The following ANKRD44 variants were observed in gnomAD, a reference collection of about 807,000 sequenced individuals.
The protein encoded by ANKRD44 is ankyrin repeat domain 44, also known as serine/threonine-protein phosphatase 6 regulatory ankyrin repeat subunit B.
Under a neutral mutation model 116.0 loss-of-function variants are expected in ANKRD44, and 35 were observed. The ratio of observed to expected loss-of-function variants is 0.30; its 90% CI spans 0.23 to 0.40. The LOEUF (loss-of-function observed/expected upper bound fraction) is 0.40, where lower values mean the gene tolerates loss of function less well. ANKRD44 is among the 10% of genes least tolerant of loss of function. ANKRD44 has a pLI of 1.00. For missense variants in ANKRD44, 1,014 were observed against 1,242.6 expected, an observed-to-expected ratio of 0.82 and a Z score of 2.77; for synonymous variants, 435 against 461.8, an observed-to-expected ratio of 0.94 and a Z score of 0.74.
In ANKRD44 at chr2:197,111,294, A is replaced by T. The variant is rs1044351634; in HGVS notation, c.907-450T>A. Among the ~76,000 whole-genome samples the T allele has an allele frequency of 2.6e-5, 4 of 152,278 alleles. No homozygotes were observed. In the East Asian group the frequency reaches 5.8e-4, roughly 22 times the overall value. Reference sequence around the variant, plus strand: ...AAAAAAGACAAATGTGTTACCTTGCATGGTATTCTTTAAGCTGAAGCTGAC... The same window carrying T: ...AAAAAAGACAAATGTGTTACCTTGCTTGGTATTCTTTAAGCTGAAGCTGAC... On this transcript the variant is annotated intron_variant, in intron 8 of 27. Coordinates refer to ENST00000282272, the MANE Select transcript of ANKRD44 (RefSeq NM_001195144.2).
intron 17 of ANKRD44, chr2:197,015,232 C>A (rs2076369869): frequency 3.1e-6 from 1 of 318,784 alleles, no homozygotes; most frequent in African/African-American, 2.2e-5. Context: ...GAAGATTCTG[C>A]AAAGCCTGCT....
At chr2:197,166,958 C>G (rs983655331) in intron 2 of ANKRD44, among the ~76,000 whole-genome samples, 2 of 152,092 alleles carry the variant, frequency 1.3e-5, no homozygotes, top group Non-Finnish European at 2.9e-5. Context: ...TTACTTTGTC[C>G]AAGAATAAAA....
chr2:197,274,764 G>A (rs1287405551), intron 1 of ANKRD44, among the ~76,000 whole-genome samples: 1 of 152,020 alleles, frequency 6.6e-6, no homozygotes, highest in Non-Finnish European at 1.5e-5. Flanking sequence ...TTCTTTAATG[G>A]GACAAAGAAC....
chr2:197,167,543 A>C (rs1237081400), intron 2 of ANKRD44, among the ~76,000 whole-genome samples: 1 of 152,242 alleles, frequency 6.6e-6, no homozygotes, highest in Non-Finnish European at 1.5e-5. Context: ...TAATTTCTAC[A>C]GTTAAAGAAA....
intron 10 of ANKRD44, among the ~76,000 whole-genome samples, chr2:197,094,410 A>G (rs974609581): frequency 2.0e-5 from 3 of 152,226 alleles, no homozygotes; most frequent in Non-Finnish European, 2.9e-5. Flanking sequence ...GCACATGGAA[A>G]TCCTTTACCA....
intron 1 of ANKRD44, among the ~76,000 whole-genome samples, chr2:197,291,947 G>A (rs2083582611): frequency 6.6e-6 from 1 of 152,254 alleles, no homozygotes; most frequent in East Asian, 1.9e-4. Flanking sequence ...CCCTGTGATA[G>A]TTTGCTGAGG....
chr2:197,288,019 C>CAAAAAAAAAAAAAA (rs10666895), intron 1 of ANKRD44, among the ~76,000 whole-genome samples: 3 of 81,788 alleles, frequency 3.7e-5, no homozygotes, highest in Non-Finnish European at 4.6e-5. Flanking sequence ...GACTCAGTCT[C>CAAAAAAAAAAAAAA]AAAAAAAAAA....
chr2:197,104,964 G>A (rs2078390098), intron 9 of ANKRD44, among the ~76,000 whole-genome samples: 1 of 152,102 alleles, frequency 6.6e-6, no homozygotes, highest in South Asian at 2.1e-4. Flanking sequence ...TACCCATTTG[G>A]GGGTCTGCAA....
chr2:197,015,760 G>A (rs1482149286), intron 17 of ANKRD44: 3 of 526,984 alleles, frequency 5.7e-6, no homozygotes, highest in Non-Finnish European at 1.1e-5. Flanking sequence ...TGGTGGTGGT[G>A]GACCAGGATA....
At chr2:197,308,043 G>A (rs947589407) in intron 1 of ANKRD44, among the ~76,000 whole-genome samples, 4 of 151,944 alleles carry the variant, frequency 2.6e-5, no homozygotes, top group Non-Finnish European at 5.9e-5. Flanking sequence ...GGTGGCACAC[G>A]CGCCCATAGT....
At chr2:197,123,057 C>T (rs569942321) in intron 6 of ANKRD44, among the ~76,000 whole-genome samples, 6 of 152,202 alleles carry the variant, frequency 3.9e-5, no homozygotes, top group East Asian at 3.9e-4. Context: ...CTTGTTACCA[C>T]ACTAATGAAT....
chr2:197,264,679 T>C (rs2082696329), intron 1 of ANKRD44, among the ~76,000 whole-genome samples: 2 of 152,288 alleles, frequency 1.3e-5, no homozygotes, highest in African/African-American at 2.4e-5. Context: ...CTTCCCCATC[T>C]CTGTCTCTAG....
At chr2:197,207,850 C>T (rs964623611) in intron 1 of ANKRD44, among the ~76,000 whole-genome samples, 4 of 152,160 alleles carry the variant, frequency 2.6e-5, no homozygotes, top group African/African-American at 4.8e-5. Flanking sequence ...AAGACACATA[C>T]GAGTTCTTAC....
intron 17 of ANKRD44, among the ~76,000 whole-genome samples, chr2:197,020,865 T>C (rs1400139039): frequency 6.9e-6 from 1 of 145,184 alleles, no homozygotes; most frequent in Non-Finnish European, 1.5e-5. Context: ...TTGTTACATA[T>C]GTAAATATGT....
At chr2:196,996,964 T>C (rs945046612) in intron 25 of ANKRD44, among the ~76,000 whole-genome samples, 21 of 151,908 alleles carry the variant, frequency 1.4e-4, no homozygotes, top group African/African-American at 4.3e-4. Flanking sequence ...CTTAGGAATT[T>C]ATCTTAAAGT....
At chr2:197,132,913 G>A (rs530412029) in intron 4 of ANKRD44, among the ~76,000 whole-genome samples, 28 of 152,194 alleles carry the variant, frequency 1.8e-4, no homozygotes, top group African/African-American at 6.5e-4. Flanking sequence ...AATTCAAATA[G>A]AACAACAATT....
intron 15 of ANKRD44, among the ~76,000 whole-genome samples, chr2:197,080,012 A>G (rs1471524593): frequency 6.6e-6 from 1 of 152,172 alleles, no homozygotes; most frequent in South Asian, 2.1e-4. Context: ...TGCACCTTAT[A>G]AGGAAGGAAG....
At chr2:197,015,793 G>C in intron 17 of ANKRD44, 1 of 512,488 alleles carries the variant, frequency 2.0e-6, no homozygotes, top group Non-Finnish European at 3.6e-6. Context: ...GGGTAGATAT[G>C]GTGGTGGGGG....
intron 16 of ANKRD44, among the ~76,000 whole-genome samples, chr2:197,034,581 A>G (rs922547978): frequency 1.3e-5 from 2 of 151,616 alleles, no homozygotes; most frequent in Admixed American, 1.3e-4. Flanking sequence ...CCTTAATAAT[A>G]AGGCCTTCAT....
Sources: gnomAD v4.1 joint callset for allele counts (sites outside exome capture counted in the v4.1 genomes callset) on GRCh38, gnomAD v4.1.1 for gene constraint, MANE v1.5 for transcripts, NCBI Gene and HGNC (gene_info 2026-07-23, HGNC 2026-07-21) for gene names.